Variants in CHLSN observed in about 807,000 individuals in gnomAD.
CHLSN encodes protein cholesin.
the CHLSN span, among the ~76,000 whole-genome samples, chr7:1,011,110 G>A: frequency 7.6e-6 from 1 of 131,538 alleles, no homozygotes. Context: ...CACCCCTACA[G>A]CCAAACACAG....
the CHLSN span, among the ~76,000 whole-genome samples, chr7:1,134,635 GAGACAGGC>G: frequency 6.6e-6 from 1 of 152,008 alleles, no homozygotes; most frequent in Non-Finnish European, 1.5e-5. Context: ...TTGGGAGGCC[GAGACAGGC>G]AGATCACAAG....
At chr7:1,020,777 G>T in the CHLSN span, among the ~76,000 whole-genome samples, 1 of 152,226 alleles carries the variant, frequency 6.6e-6, no homozygotes, top group Non-Finnish European at 1.5e-5. Context: ...CAGACGGCCT[G>T]GGCCTTGGAT....
chr7:1,050,439 C>A, the CHLSN span, among the ~76,000 whole-genome samples: 1 of 152,254 alleles, frequency 6.6e-6, no homozygotes, highest in Non-Finnish European at 1.5e-5. Flanking sequence ...AACCAAGGAT[C>A]CTGTCCCATC....
the CHLSN span, among the ~76,000 whole-genome samples, chr7:1,109,147 A>T: frequency 6.6e-6 from 1 of 152,012 alleles, no homozygotes; most frequent in East Asian, 1.9e-4. Flanking sequence ...TCCACCCGCC[A>T]CAGCCTCCCA....
At chr7:1,060,657 G>A in the CHLSN span, among the ~76,000 whole-genome samples, 1 of 152,212 alleles carries the variant, frequency 6.6e-6, no homozygotes, top group Non-Finnish European at 1.5e-5. Flanking sequence ...GGCTCCTGCG[G>A]GGAGCTCAGA....
the CHLSN span, chr7:1,092,367 G>A: frequency 6.2e-7 from 1 of 1,610,966 alleles, no homozygotes; most frequent in Non-Finnish European, 8.5e-7. Context: ...ATGTCCGGGA[G>A]GTGCAGTGGC....
the CHLSN span, among the ~76,000 whole-genome samples, chr7:1,070,211 G>A: frequency 1.5e-5 from 2 of 137,904 alleles, no homozygotes; most frequent in African/African-American, 5.4e-5. Context: ...CATCTGGGAA[G>A]TGAGGAGCGT....
chr7:1,109,005 C>G, the CHLSN span, among the ~76,000 whole-genome samples: 1 of 151,512 alleles, frequency 6.6e-6, no homozygotes, highest in African/African-American at 2.4e-5. Flanking sequence ...AAGCGATTCT[C>G]CTGCCTCAGC....
At chr7:1,016,279 G>A in the CHLSN span, among the ~76,000 whole-genome samples, 2 of 53,310 alleles carry the variant, frequency 3.8e-5, no homozygotes, top group Non-Finnish European at 6.0e-5. Context: ...GCGCACGCCA[G>A]CACACAGCAG....
At chr7:1,087,299 A>G in the CHLSN span, 2 of 152,232 alleles carry the variant, frequency 1.3e-5, no homozygotes, top group Admixed American at 6.5e-5. Context: ...AGGCACCGCT[A>G]ACACTCAGAG....
the CHLSN span, among the ~76,000 whole-genome samples, chr7:1,005,477 C>T: frequency 1.8e-4 from 28 of 152,350 alleles, no homozygotes; most frequent in South Asian, 1.4e-3. Flanking sequence ...CATGAAGGCC[C>T]GAGCGGGGCT....
At chr7:987,061 G>T in the CHLSN span, 1 of 1,454,172 alleles carries the variant, frequency 6.9e-7, no homozygotes, top group Non-Finnish European at 9.1e-7. Context: ...TGGGGTGGGG[G>T]ACAGACCCCA....
the CHLSN span, chr7:1,010,231 C>T: frequency 1.6e-6 from 2 of 1,251,214 alleles, no homozygotes; most frequent in Non-Finnish European, 2.2e-6. Flanking sequence ...CCCACCCTCA[C>T]CTCAGTAGTG....
At chr7:1,113,093 T>A in the CHLSN span, among the ~76,000 whole-genome samples, 1 of 152,070 alleles carries the variant, frequency 6.6e-6, no homozygotes, top group African/African-American at 2.4e-5. Context: ...CTGGAAAAAC[T>A]GCAGGGCGCA....
At chr7:1,110,318 A>C in the CHLSN span, among the ~76,000 whole-genome samples, 3 of 152,130 alleles carry the variant, frequency 2.0e-5, no homozygotes, top group African/African-American at 7.3e-5. Flanking sequence ...ACGTCCTCCG[A>C]CGACAAGGAT....
chr7:1,043,016 C>G, the CHLSN span, among the ~76,000 whole-genome samples: 1 of 151,934 alleles, frequency 6.6e-6, no homozygotes, highest in Non-Finnish European at 1.5e-5. Context: ...CTTTGGGAAG[C>G]CCAGGCAGGC....
At chr7:1,018,707 C>A in the CHLSN span, among the ~76,000 whole-genome samples, 1 of 152,084 alleles carries the variant, frequency 6.6e-6, no homozygotes, top group Non-Finnish European at 1.5e-5. Flanking sequence ...CTGGCTTGAG[C>A]CCAGGAATTC....
the CHLSN span, among the ~76,000 whole-genome samples, chr7:1,059,813 G>A: frequency 2.4e-3 from 205 of 86,070 alleles, 4 homozygotes; most frequent in Admixed American, 3.5e-3. Flanking sequence ...GTAGTGGGGC[G>A]GGTCTGTAGT....
chr7:1,049,900 C>G, the CHLSN span, among the ~76,000 whole-genome samples: 2 of 152,166 alleles, frequency 1.3e-5, no homozygotes, highest in African/African-American at 4.8e-5. Flanking sequence ...TGCACCTGGG[C>G]CCTCCTGATT....
Sources: gnomAD v4.1 joint callset for allele counts (sites outside exome capture counted in the v4.1 genomes callset) on GRCh38, gnomAD v4.1.1 for gene constraint, MANE v1.5 for transcripts, NCBI Gene and HGNC (gene_info 2026-07-23, HGNC 2026-07-21) for gene names.